The following NHS variants were observed in gnomAD, a reference collection of about 807,000 sequenced individuals.
The protein encoded by NHS is actin remodeling regulator NHS.
A neutral mutation model predicts 72.5 loss-of-function variants in NHS; 5 were observed. That is an observed-to-expected ratio of 0.07 (90% CI 0.04 to 0.14). The LOEUF is 0.14. Ranked by LOEUF, NHS falls within the 10% of genes least tolerant of loss-of-function variation. The probability of loss-of-function intolerance (pLI) is 1.00; values close to 1 mark genes in which losing one functional copy is unlikely to be tolerated. For synonymous variants in NHS, 464 were observed against 547.7 expected (o/e 0.85, Z 2.13); for missense variants, 1,072 against 1,355.7 (o/e 0.79, Z 3.29).
intron 3 of NHS, among the ~76,000 whole-genome samples, chrX:17,700,175 T>C (rs2066253796): frequency 9.0e-6 from 1 of 111,151 alleles, no homozygotes; most frequent in South Asian, 3.8e-4. Context: ...GCCAGAGCAT[T>C]ATGCAGCCTG....
intron 1 of NHS, among the ~76,000 whole-genome samples, chrX:17,653,424 CTTT>C (rs767911933): frequency 1.0e-5 from 1 of 98,224 alleles, no homozygotes; most frequent in African/African-American, 3.7e-5. Context: ...TTTTCTTTTT[CTTT>C]TTTTTTTTTT....
At chrX:17,691,939 C>T (rs1182515544) in intron 2 of NHS, among the ~76,000 whole-genome samples, 1 of 111,953 alleles carries the variant, frequency 8.9e-6, no homozygotes, top group Non-Finnish European at 1.9e-5. Context: ...AGCTCCCGTA[C>T]CCAGTGGGTG....
At chrX:17,486,623 G>A (rs1409573655) in intron 1 of NHS, among the ~76,000 whole-genome samples, 1 of 111,651 alleles carries the variant, frequency 9.0e-6, no homozygotes, top group East Asian at 2.8e-4. Flanking sequence ...AGCCCACATC[G>A]TATTTGCCAG....
intron 1 of NHS, among the ~76,000 whole-genome samples, chrX:17,556,404 G>A (rs994490684): frequency 8.9e-6 from 1 of 112,929 alleles, no homozygotes; most frequent in Non-Finnish European, 1.9e-5. Context: ...TGCCAGGAGG[G>A]CTCCTCTATA....
At chrX:17,625,967 A>C (rs766617720) in intron 1 of NHS, among the ~76,000 whole-genome samples, 1 of 112,320 alleles carries the variant, frequency 8.9e-6, no homozygotes, top group South Asian at 3.7e-4. Context: ...CATTCTATAA[A>C]ATTTGAAAAA....
intron 1 of NHS, among the ~76,000 whole-genome samples, chrX:17,519,620 C>T (rs1569271565): frequency 9.0e-6 from 1 of 111,510 alleles, no homozygotes; most frequent in Non-Finnish European, 1.9e-5. Context: ...GTTTGGGTTT[C>T]ACTTTGAAAT....
intron 1 of NHS, among the ~76,000 whole-genome samples, chrX:17,547,316 C>T (rs1457062022): frequency 1.8e-5 from 2 of 112,639 alleles, no homozygotes; most frequent in Non-Finnish European, 3.8e-5. Flanking sequence ...ATCCCTACCC[C>T]TCTGATCCAG....
At chrX:17,604,502 T>G (rs1322994970) in intron 1 of NHS, among the ~76,000 whole-genome samples, 1 of 112,110 alleles carries the variant, frequency 8.9e-6, no homozygotes, top group Non-Finnish European at 1.9e-5. Context: ...AGTAACTTCC[T>G]GCAACAGCGA....
chrX:17,556,391 C>T (rs1169659514), intron 1 of NHS, among the ~76,000 whole-genome samples: 2 of 112,875 alleles, frequency 1.8e-5, no homozygotes, highest in Non-Finnish European at 3.7e-5. Context: ...ACGCAAATGG[C>T]CATGCCAGGA....
At chrX:17,635,661 G>A (rs2065842738) in intron 1 of NHS, 1 of 1,069,263 alleles carries the variant, frequency 9.4e-7, no homozygotes. Context: ...TGGGTCTAAC[G>A]AAGAGGGGCT....
intron 1 of NHS, among the ~76,000 whole-genome samples, chrX:17,657,997 C>T (rs908744349): frequency 4.4e-5 from 5 of 112,518 alleles, no homozygotes; most frequent in African/African-American, 1.6e-4. Context: ...AGGAGGGTGG[C>T]GCCAGCCTGT....
chrX:17,682,546 A>G (rs1894583), intron 1 of NHS, among the ~76,000 whole-genome samples: 1,225 of 110,934 alleles, frequency 0.011, 7 homozygotes, highest in Middle Eastern at 0.033. Flanking sequence ...AACGTTTAAA[A>G]ATTTTTCTTC....
intron 1 of NHS, among the ~76,000 whole-genome samples, chrX:17,616,337 C>T (rs1199771653): frequency 8.9e-6 from 1 of 112,487 alleles, no homozygotes; most frequent in Non-Finnish European, 1.9e-5. Flanking sequence ...GCATCTGTGA[C>T]AACAACTTGG....
chrX:17,464,864 A>G lies in NHS; in HGVS notation c.565+88542A>G, dbSNP rs138694418. Among the ~76,000 whole-genome samples the G allele has an allele frequency of 1.7e-4, 19 of 112,288 alleles. No homozygotes were observed. The East Asian group carries it at 5.3e-3, about 31-fold the overall frequency. On this transcript the variant is annotated intron_variant, in intron 1 of 8. Transcript: ENST00000676302. ...GTCTGCCTTTGGTCCACCAGCAGCC[A>G]TGTCATGGTAGCGGTGCATCTGTAA...
chrX:17,463,465 T>A (rs1011704131), intron 1 of NHS, among the ~76,000 whole-genome samples: 1 of 110,866 alleles, frequency 9.0e-6, no homozygotes, highest in African/African-American at 3.3e-5. Context: ...TTTGGAAAGG[T>A]TGTCATAGAT....
intron 1 of NHS, among the ~76,000 whole-genome samples, chrX:17,491,754 CTTTT>C (rs760624484): frequency 2.9e-5 from 2 of 68,568 alleles, no homozygotes. Flanking sequence ...TGGTCCTGGG[CTTTT>C]TTTTTTTTTT....
chrX:17,549,640 G>T (rs1014963063), intron 1 of NHS, among the ~76,000 whole-genome samples: 6 of 111,794 alleles, frequency 5.4e-5, no homozygotes, highest in African/African-American at 2.0e-4. Context: ...GCGTGAGGGC[G>T]CAGGGTGCCA....
chrX:17,511,216 A>G (rs918997640), intron 1 of NHS, among the ~76,000 whole-genome samples: 1 of 111,414 alleles, frequency 9.0e-6, no homozygotes, highest in Non-Finnish European at 1.9e-5. Flanking sequence ...TAAACCACTT[A>G]CTGCCATTGA....
chrX:17,387,720 T>G (rs2064417896), intron 1 of NHS, among the ~76,000 whole-genome samples: 1 of 112,485 alleles, frequency 8.9e-6, no homozygotes, highest in African/African-American at 3.2e-5. Flanking sequence ...AAATCCCAGC[T>G]CCACTCCTTC....
Sources: gnomAD v4.1 joint callset for allele counts (sites outside exome capture counted in the v4.1 genomes callset) on GRCh38, gnomAD v4.1.1 for gene constraint, MANE v1.5 for transcripts, NCBI Gene and HGNC (gene_info 2026-07-23, HGNC 2026-07-21) for gene names.